Variants in FAM120AOS observed in about 807,000 individuals in gnomAD.
FAM120AOS encodes family with sequence similarity 120 member A opposite strand, also known as uncharacterized protein FAM120AOS.
FAM120AOS carries 15 observed loss-of-function variants against 20.2 expected under a neutral mutation model. The ratio of observed to expected loss-of-function variants is 0.74; its 90% confidence interval spans 0.50 to 1.15. FAM120AOS has a LOEUF of 1.15. Ranked by LOEUF, FAM120AOS falls within the 50% of genes most tolerant of loss-of-function variation. The pLI, the probability that FAM120AOS is intolerant of heterozygous loss-of-function variation, is 0.00. For synonymous variants in FAM120AOS, 154 were observed against 154.0 expected, an observed-to-expected ratio of 1.00 and a Z score of 0.00; for missense variants, 327 against 351.9, an observed-to-expected ratio of 0.93 and a Z score of 0.57.
chr9:93,448,647 T>C (rs1588741973), intron 2 of FAM120AOS, among the ~76,000 whole-genome samples: 1 of 152,314 alleles, frequency 6.6e-6, no homozygotes, highest in East Asian at 1.9e-4. Flanking sequence ...AGATGGAGTC[T>C]CGCTCTGTTG....
At chr9:93,448,651 TC>T (rs1856947877) in intron 2 of FAM120AOS, among the ~76,000 whole-genome samples, 1 of 152,192 alleles carries the variant, frequency 6.6e-6, no homozygotes, top group East Asian at 1.9e-4. Flanking sequence ...GGAGTCTCGC[TC>T]TGTTGCCCAG....
rs1856820165 is a variant in FAM120AOS at position 93,445,585 on chromosome 9, T to TTG, written c.*2025_*2026insCA. Reference sequence around the variant, plus strand: ...CTCCAACTTTCATAAAAATCGTTGTTTTTTTTTTTTTTTTTTTTTTTTGAG... The same window carrying TTG: ...CTCCAACTTTCATAAAAATCGTTGTTTGTTTTTTTTTTTTTTTTTTTTTTGAG... On this transcript the variant is annotated 3_prime_UTR_variant, in exon 3 of 3. Transcript: ENST00000375412. Among the ~76,000 whole-genome samples, 1 of 116,884 alleles carries TTG rather than the reference T, an allele frequency of 8.6e-6. No homozygotes were observed. Among genetic ancestry groups the TTG allele is most frequent in the African/African-American group, 4.2e-5 (1 of 23,958 alleles). 76.7% of individuals were successfully genotyped at this position (116,884 alleles called of 152,430 possible).
At position 93,447,525 on chromosome 9, in the gene FAM120AOS, G is replaced by A; in HGVS notation, c.*86C>T. The A allele has an allele frequency of 1.7e-6, 2 of 1,193,988 alleles. No individual in the cohort carries two copies. The highest frequency in any genetic ancestry group is 2.5e-6 in the Non-Finnish European group (2 of 812,054). 74.0% of individuals were successfully genotyped at this position (1,193,988 alleles called of 1,614,324 possible). A position where few individuals can be genotyped will look rare whatever the true frequency, so the allele number is the denominator to read the frequency against. ...AACCAGAAGCAGAAGCTGAGGAATG[G>A]TGAATAGAGCATTTTCCCTCACACG... On this transcript the variant is annotated 3_prime_UTR_variant, in exon 3 of 3. Transcript: ENST00000375412.
rs958479068 is a variant in FAM120AOS at position 93,453,091 on chromosome 9, C to T, written c.-382G>A. On this transcript the variant is annotated 5_prime_UTR_variant, in exon 1 of 3. Coordinates refer to ENST00000375412, the MANE Select transcript of FAM120AOS (RefSeq NM_198841.4). ...TTTGTCAGTTCTGTGACTTCACGTC[C>T]GTGTGAAAGAGGTCTTTAAGGCAGT... The T allele has an allele frequency of 1.2e-5, 13 of 1,054,424 alleles. No individual in the cohort carries two copies. The highest frequency in any genetic ancestry group is 1.4e-5 in the Non-Finnish European group (12 of 874,116). The allele number at this position is 1,054,424 out of a possible 1,614,324, so 65.3% of individuals were successfully genotyped here.
Position 93,452,796 on chromosome 9 carries a change from A to C in FAM120AOS, c.-87T>G. ...ATTTAGCCTGTTCTTTCCCAGCAACAGGTTCATCTTGGAAGCAGGCAGGAT... is the reference window on the plus strand; with the variant it reads ...ATTTAGCCTGTTCTTTCCCAGCAACCGGTTCATCTTGGAAGCAGGCAGGAT... On this transcript the variant is annotated 5_prime_UTR_variant, in exon 1 of 3. Coordinates refer to ENST00000375412, the MANE Select transcript of FAM120AOS (RefSeq NM_198841.4). This position sits in a 1 kb window ranked among gnomAD's most constrained non-coding sequence, Gnocchi z 7.0. 1 of 1,590,238 alleles carries C rather than the reference A, an allele frequency of 6.3e-7. No individual in the cohort carries two copies. The highest frequency in any genetic ancestry group is 1.1e-5 in the South Asian group (1 of 89,738).
Position 93,452,445 on chromosome 9 carries a change from C to G in FAM120AOS, c.265G>C (p.Gly89Arg). 2.6e-6 allele frequency: 4 copies of G among 1,558,920 alleles called. No homozygotes were observed. The highest frequency in any genetic ancestry group is 2.6e-6 in the Non-Finnish European group (3 of 1,154,576). ...CCGGGGCCGCGCCGCACCCCTATCC[C>G]CCTTCCCAGGGCGCAGAATGTCGCC... The part of the protein sequence containing the change: ...GRATFCALGR[G>R]IGVRRGPGPR... Residue 89 changes from glycine (G) to arginine (R), a missense_variant, in exon 1 of 3, where the codon GGG becomes CGG. Coordinates refer to ENST00000375412, the MANE Select transcript of FAM120AOS (RefSeq NM_198841.4). The surrounding 1 kb of genome is among the most constrained non-coding windows in gnomAD (Gnocchi z 7.0).
chr9:93,448,999 T>C (rs946885513), intron 2 of FAM120AOS, among the ~76,000 whole-genome samples: 3 of 151,958 alleles, frequency 2.0e-5, no homozygotes, highest in African/African-American at 7.3e-5. Flanking sequence ...GGATGCAGAG[T>C]ATATAAGTGT....
chr9:93,446,207 C>G lies in FAM120AOS; in HGVS notation c.*1404G>C, dbSNP rs76828368. ...CTCTTCCTTTGTCAGCAAGGTCAAA[C>G]GCCTGAGCCACAAGTCTTAGCTGTT... is the stretch of plus-strand genomic sequence containing the variant. On this transcript the variant is annotated 3_prime_UTR_variant, in exon 3 of 3. Transcript: ENST00000375412. Among the ~76,000 whole-genome samples the G allele has an allele frequency of 0.024, 3,625 of 152,290 alleles. 70 individuals carry two copies. The highest frequency in any genetic ancestry group is 0.031 in the Middle Eastern group (9 of 294).
In FAM120AOS at chr9:93,445,583, GTTTTTTTTTTTT is replaced by G. The variant is rs71364380; in HGVS notation, c.*2016_*2027del. 2.5e-5 allele frequency among the ~76,000 whole-genome samples: 2 copies of G among 80,098 alleles called. No homozygotes were observed. The highest frequency in any genetic ancestry group is 1.0e-4 in the African/African-American group (2 of 19,298). 52.5% of individuals were successfully genotyped at this position (80,098 alleles called of 152,430 possible). A position where few individuals can be genotyped will look rare whatever the true frequency, so the allele number is the denominator to read the frequency against. On this transcript the variant is annotated 3_prime_UTR_variant, in exon 3 of 3. Coordinates refer to ENST00000375412, the MANE Select transcript of FAM120AOS (RefSeq NM_198841.4). Reference sequence around the variant, plus strand: ...TTCTCCAACTTTCATAAAAATCGTTGTTTTTTTTTTTTTTTTTTTTTTTTGAGACAAGGCCTC... The same window carrying G: ...TTCTCCAACTTTCATAAAAATCGTTGTTTTTTTTTTTTGAGACAAGGCCTC...
At chr9:93,451,265 G>C (rs1293962695) in intron 1 of FAM120AOS, 8 of 1,491,204 alleles carry the variant, frequency 5.4e-6, no homozygotes, top group South Asian at 3.9e-5. Flanking sequence ...ACTCGGCCTC[G>C]GCTCCCCTTC....
At chr9:93,450,639 A>G (rs1857102146) in intron 1 of FAM120AOS, 40 bp from the exon 2 acceptor site, 1 of 1,608,486 alleles carries the variant, frequency 6.2e-7, no homozygotes, top group Non-Finnish European at 8.5e-7. Context: ...AGGTAAGTAA[A>G]AGCGGCACTT....
rs1199169933 is a variant in FAM120AOS, at chr9:93,452,286, G to A, written c.424C>T (p.Leu142=). 25 of 1,612,796 alleles carry A rather than the reference G, an allele frequency of 1.6e-5. No homozygotes were observed. Among genetic ancestry groups the A allele is most frequent in the Non-Finnish European group, 1.8e-5 (21 of 1,179,858 alleles). ...CGCCAGACGGCACAGCAGATCGTCA[G>A]CCATGTCCAGAACAAGGGCACCCCG... ...GGGVPLFWTW[L]TICCAVWRSL... The change falls in exon 1 of 3, where the codon CTG becomes TTG. Residue 142 remains leucine (L), a synonymous_variant. Coordinates refer to ENST00000375412, the MANE Select transcript of FAM120AOS (RefSeq NM_198841.4). The surrounding 1 kb of genome is among the most constrained non-coding windows in gnomAD (Gnocchi z 7.0).
intron 1 of FAM120AOS, chr9:93,451,587 C>T (rs1857202440): frequency 1.0e-6 from 1 of 983,710 alleles, no homozygotes; most frequent in African/African-American, 1.8e-5. Context: ...CCTCTTCCGC[C>T]TGCTAGCCGG....
chr9:93,443,841 C>T lies in FAM120AOS; in HGVS notation c.*3770G>A, dbSNP rs994310418. Among the ~76,000 whole-genome samples, 1 of 152,130 alleles carries T rather than the reference C, an allele frequency of 6.6e-6. No homozygotes were observed. The highest frequency in any genetic ancestry group is 2.4e-5 in the African/African-American group (1 of 41,402). ...GGGGCCCCTTTTCCTCATCCTCTGG[C>T]TTAGAAAGATGGGCTTTCTCTCTGA... On this transcript the variant is annotated 3_prime_UTR_variant, in exon 3 of 3. Coordinates refer to ENST00000375412, the MANE Select transcript of FAM120AOS (RefSeq NM_198841.4).
rs1306228629 is a variant in FAM120AOS at position 93,446,712 on chromosome 9, G to A, written c.*899C>T. On this transcript the variant is annotated 3_prime_UTR_variant, in exon 3 of 3. Coordinates refer to ENST00000375412, the MANE Select transcript of FAM120AOS (RefSeq NM_198841.4). The stretch of plus-strand genomic sequence containing the variant: ...TTGAGAAGCCTCTTGGAGTTGCCTA[G>A]AGAGTCTATAGCACTCATCTGAAGG... 6.6e-6 allele frequency: 1 copy of A among 152,104 alleles called. No homozygotes were observed. The highest frequency in any genetic ancestry group is 1.5e-5 in the Non-Finnish European group (1 of 68,024). The allele number at this position is 152,104 out of a possible 1,614,324, so 9.4% of individuals were successfully genotyped here. A position where few individuals can be genotyped will look rare whatever the true frequency, so the allele number is the denominator to read the frequency against.
chr9:93,443,396 G>C lies in FAM120AOS; in HGVS notation c.*4215C>G, dbSNP rs1289836988. Among the ~76,000 whole-genome samples, 1 of 151,984 alleles carries C rather than the reference G, an allele frequency of 6.6e-6. No individual in the cohort carries two copies. Among genetic ancestry groups the C allele is most frequent in the South Asian group, 2.1e-4 (1 of 4,824 alleles). On this transcript the variant is annotated 3_prime_UTR_variant, in exon 3 of 3. Coordinates refer to ENST00000375412, the MANE Select transcript of FAM120AOS (RefSeq NM_198841.4). ...AACAGTACAAGATTATCAATGTTTT[G>C]ACAATTTTCAAAAGACAGGAAAAAA... is the stretch of plus-strand genomic sequence containing the variant.
At chr9:93,451,661 C>CCGGCCCTCAGCCT (rs1215149580) in intron 1 of FAM120AOS, 1 of 982,204 alleles carries the variant, frequency 1.0e-6, no homozygotes, top group Non-Finnish European at 1.2e-6. Context: ...CCGCCCCGCC[C>CCGGCCCTCAGCCT]CGGCCCTCAG....
intron 2 of FAM120AOS, among the ~76,000 whole-genome samples, chr9:93,449,574 A>T (rs1245378992): frequency 7.9e-6 from 1 of 126,112 alleles, no homozygotes; most frequent in Non-Finnish European, 1.5e-5. Context: ...TGCAACCTCC[A>T]CCTCCCAGGT....
chr9:93,451,332 T>C (rs916523268), intron 1 of FAM120AOS: 31 of 1,433,722 alleles, frequency 2.2e-5, no homozygotes, highest in Non-Finnish European at 2.7e-5. Context: ...CCCCAGGACC[T>C]GCTTCGCGGC....
Sources: allele counts gnomAD v4.1 joint callset (sites outside exome capture counted in the v4.1 genomes callset), GRCh38; gene constraint gnomAD v4.1.1; non-coding constraint Gnocchi (gnomAD v3.1); transcripts MANE v1.5; gene names NCBI Gene and HGNC (gene_info 2026-07-23, HGNC 2026-07-21).